ELOC: variants seen among roughly 807,000 people sequenced by gnomAD.
The protein encoded by ELOC is elongin C, also known as elongin-C.
For missense variants in ELOC, 38 were observed against 139.0 expected, an observed-to-expected ratio of 0.27 and a Z score of 3.65; for synonymous variants, 40 against 51.3, an observed-to-expected ratio of 0.78 and a Z score of 0.94.
At chr8:73,954,226 G>A (rs564223622) in intron 3 of ELOC, among the ~76,000 whole-genome samples, 7 of 152,134 alleles carry the variant, frequency 4.6e-5, no homozygotes, top group Middle Eastern at 3.2e-3. Flanking sequence ...GCTTGCTTTT[G>A]GAGTAATAAA....
At chr8:73,948,801 C>T (rs1287302186) in intron 3 of ELOC, among the ~76,000 whole-genome samples, 2 of 152,100 alleles carry the variant, frequency 1.3e-5, no homozygotes, top group Non-Finnish European at 2.9e-5. Flanking sequence ...CGCCACTGTA[C>T]TCCAGCCTGG....
chr8:73,970,890 C>T (rs903911663), intron 1 of ELOC, among the ~76,000 whole-genome samples: 50 of 147,900 alleles, frequency 3.4e-4, no homozygotes, highest in African/African-American at 9.6e-4. Context: ...CAAAATTAGC[C>T]GGCAGTGGTG....
At chr8:73,958,156 C>T (rs985061365) in intron 2 of ELOC, among the ~76,000 whole-genome samples, 2 of 147,270 alleles carry the variant, frequency 1.4e-5, no homozygotes, top group South Asian at 2.1e-4. Flanking sequence ...AGTGCAGTGG[C>T]GCAATCATGG....
intron 1 of ELOC, among the ~76,000 whole-genome samples, chr8:73,963,422 G>C (rs1282167827): frequency 6.6e-6 from 1 of 152,046 alleles, no homozygotes; most frequent in African/African-American, 2.4e-5. Flanking sequence ...GTACTTTTAA[G>C]TTTCCATTAT....
At chr8:73,946,879 G>T (rs1813412324) in intron 3 of ELOC, 59 bp from the exon 4 acceptor site, 5 of 1,458,246 alleles carry the variant, frequency 3.4e-6, no homozygotes, top group Non-Finnish European at 4.7e-6. Flanking sequence ...AAATTCATAT[G>T]TTGAAGTCTT....
At chr8:73,961,507 C>T (rs1161307741) in intron 1 of ELOC, among the ~76,000 whole-genome samples, 2 of 151,918 alleles carry the variant, frequency 1.3e-5, no homozygotes, top group African/African-American at 2.4e-5. Flanking sequence ...TTCAAAGTAC[C>T]ATCACTCTCT....
intron 3 of ELOC, among the ~76,000 whole-genome samples, chr8:73,951,008 T>C (rs1813718804): frequency 6.6e-6 from 1 of 152,224 alleles, no homozygotes; most frequent in African/African-American, 2.4e-5. Flanking sequence ...TGGTGGCTCA[T>C]GCCTGTAATC....
chr8:73,970,625 A>G (rs572245626), intron 1 of ELOC: 2 of 152,342 alleles, frequency 1.3e-5, no homozygotes, highest in East Asian at 3.9e-4. Flanking sequence ...ATAAATCCAC[A>G]TGTAAACTGC....
In ELOC at chr8:73,965,781, C is replaced by T. The variant is rs145175713; in HGVS notation, c.-50-5963G>A. 2.6e-5 allele frequency among the ~76,000 whole-genome samples: 4 copies of T among 152,242 alleles called. No individual in the cohort carries two copies. The East Asian group carries it at 7.7e-4, about 29-fold the overall frequency. The stretch of plus-strand genomic sequence containing the variant: ...ATCATCACTCTAGGATGGTTTTCTG[C>T]CTAATTAAGCTTTTGAAAGTGACAT... On this transcript the variant is annotated intron_variant, in intron 1 of 3. Transcript: ENST00000520242.
At chr8:73,956,624 T>G (rs949488056) in intron 2 of ELOC, among the ~76,000 whole-genome samples, 1 of 150,550 alleles carries the variant, frequency 6.6e-6, no homozygotes, top group South Asian at 2.1e-4. Context: ...AACAGTTGTT[T>G]TGTAACCAAA....
chr8:73,960,438 T>C (rs1387066988), intron 1 of ELOC, among the ~76,000 whole-genome samples: 1 of 152,174 alleles, frequency 6.6e-6, no homozygotes, highest in African/African-American at 2.4e-5. Flanking sequence ...TAATGGGCCT[T>C]TGGATAGTTT....
chr8:73,951,108 T>C (rs933456913), intron 3 of ELOC, among the ~76,000 whole-genome samples: 1 of 151,962 alleles, frequency 6.6e-6, no homozygotes, highest in South Asian at 2.1e-4. Flanking sequence ...CCATCTCTAC[T>C]AAAAATACTA....
At chr8:73,954,940 A>C (rs1563676023) in intron 3 of ELOC, among the ~76,000 whole-genome samples, 1 of 149,690 alleles carries the variant, frequency 6.7e-6, no homozygotes, top group African/African-American at 2.5e-5. Flanking sequence ...AGGCTGAGGC[A>C]GAAGAATCTC....
At chr8:73,951,908 A>C (rs114675696) in intron 3 of ELOC, among the ~76,000 whole-genome samples, 1,685 of 152,338 alleles carry the variant, frequency 0.011, 37 homozygotes, top group African/African-American at 0.039. Context: ...ATTTTCAACA[A>C]GGGTGCTATG....
chr8:73,956,104 A>G, intron 2 of ELOC, 50 bp from the exon 3 acceptor site: 1 of 1,572,462 alleles, frequency 6.4e-7, no homozygotes, highest in Non-Finnish European at 8.7e-7. Context: ...CAGTGTACTA[A>G]AACTAAACAG....
rs990973959 is a variant in ELOC, at chr8:73,946,344, TATC to T, written c.*283_*285del. The T allele has an allele frequency of 7.3e-6, 2 of 272,770 alleles. No individual in the cohort carries two copies. The highest frequency in any genetic ancestry group is 4.4e-5 in the African/African-American group (2 of 45,936). 16.9% of individuals were successfully genotyped at this position (272,770 alleles called of 1,614,324 possible). ...TACACCTAAATTTCAGTATTTACTATATCATCATTGCTGATTTTAAGTCACATT... is the reference window on the plus strand; with the variant it reads ...TACACCTAAATTTCAGTATTTACTATATCATTGCTGATTTTAAGTCACATT... On this transcript the variant is annotated 3_prime_UTR_variant, in exon 4 of 4. Coordinates refer to ENST00000520242, the MANE Select transcript of ELOC (RefSeq NM_005648.4).
chr8:73,959,668 A>G, intron 2 of ELOC, 97 bp downstream of exon 2: 2 of 1,024,994 alleles, frequency 2.0e-6, no homozygotes, highest in Non-Finnish European at 2.8e-6. Context: ...ATTTCAGTCT[A>G]CTGAAATTTT....
intron 2 of ELOC, among the ~76,000 whole-genome samples, chr8:73,958,623 C>T (rs1814370054): frequency 6.6e-6 from 1 of 152,006 alleles, no homozygotes; most frequent in Non-Finnish European, 1.5e-5. Flanking sequence ...TTTTTGCCAA[C>T]CTCAAAAAAG....
chr8:73,968,086 T>A (rs1393949739), intron 1 of ELOC, among the ~76,000 whole-genome samples: 1 of 152,204 alleles, frequency 6.6e-6, no homozygotes, highest in Non-Finnish European at 1.5e-5. Flanking sequence ...ACTAGCCCAG[T>A]TGAATGAAAA....
Sources: allele counts gnomAD v4.1 joint callset (sites outside exome capture counted in the v4.1 genomes callset), GRCh38; gene constraint gnomAD v4.1.1; transcripts MANE v1.5; gene names NCBI Gene and HGNC (gene_info 2026-07-23, HGNC 2026-07-21).